The following CDH13 variants were observed in gnomAD, a reference collection of about 807,000 sequenced individuals.
CDH13 encodes cadherin 13, also known as cadherin-13.
Under a neutral mutation model 63.8 loss-of-function variants are expected in CDH13, and 24 were observed. The observed-to-expected ratio is 0.38, with a 90% CI of 0.27 to 0.53. The LOEUF is 0.53. CDH13 is among the 20% of genes least tolerant of loss of function. CDH13 has a pLI of 0.85. For synonymous variants in CDH13, 503 were observed against 355.3 expected, an observed-to-expected ratio of 1.42 and a Z score of -4.67; for missense variants, 1,049 against 903.1, an observed-to-expected ratio of 1.16 and a Z score of -2.07.
chr16:82,914,810 C>A (rs903738782), intron 2 of CDH13, among the ~76,000 whole-genome samples: 1 of 152,158 alleles, frequency 6.6e-6, no homozygotes, highest in Non-Finnish European at 1.5e-5. Context: ...ACTACAAAAT[C>A]GTTTCTGCAG....
intron 4 of CDH13, among the ~76,000 whole-genome samples, chr16:83,146,616 T>C (rs1461444774): frequency 2.0e-5 from 3 of 152,240 alleles, no homozygotes; most frequent in African/African-American, 7.2e-5. Context: ...TATATGTGTA[T>C]GTCACGTTAA....
intron 2 of CDH13, among the ~76,000 whole-genome samples, chr16:82,868,389 A>C (rs2040225832): frequency 1.3e-5 from 2 of 152,202 alleles, no homozygotes; most frequent in Non-Finnish European, 2.9e-5. Flanking sequence ...AATGATTAGA[A>C]ACCTCATAAA....
chr16:82,683,842 T>A (rs1486556424), intron 1 of CDH13, among the ~76,000 whole-genome samples: 2 of 152,230 alleles, frequency 1.3e-5, no homozygotes, highest in Non-Finnish European at 2.9e-5. Flanking sequence ...GTAGACATTA[T>A]ATTACATATT....
rs528123821 is a variant in CDH13, at chr16:83,292,374, C to A, written c.637-52488C>A. ...TGTCCTCTGTCCTGTGGCCACTTTT[C>A]CATGTGGGGACTTTTGGGGCCTGAT... is the stretch of plus-strand genomic sequence containing the variant. On this transcript the variant is annotated intron_variant, in intron 5 of 13. Coordinates refer to ENST00000567109, the MANE Select transcript of CDH13 (RefSeq NM_001257.5). Among the ~76,000 whole-genome samples the A allele has an allele frequency of 2.6e-5, 4 of 152,234 alleles. No individual in the cohort carries two copies. The East Asian group carries it at 5.8e-4, about 22-fold the overall frequency.
intron 10 of CDH13, among the ~76,000 whole-genome samples, chr16:83,702,349 C>T (rs571183565): frequency 1.2e-4 from 18 of 152,290 alleles, no homozygotes; most frequent in South Asian, 6.2e-4. Context: ...CTATTACAGT[C>T]GAACTGCAGA....
intron 10 of CDH13, 77 bp from the exon 11 acceptor site, chr16:83,748,031 C>T (rs746657046): frequency 8.0e-6 from 12 of 1,500,700 alleles, no homozygotes; most frequent in Non-Finnish European, 1.0e-5. Context: ...AGCCTAGGAG[C>T]TCATGCCCTG....
chr16:83,386,434 G>A (rs1027222407), intron 6 of CDH13, among the ~76,000 whole-genome samples: 4 of 152,152 alleles, frequency 2.6e-5, no homozygotes, highest in African/African-American at 9.7e-5. Flanking sequence ...AGTAAAAACT[G>A]CCTTAAATGG....
chr16:83,570,552 TGGGCTGCTGTGGGAAGG>T, intron 7 of CDH13, among the ~76,000 whole-genome samples: 1 of 152,100 alleles, frequency 6.6e-6, no homozygotes, highest in East Asian at 1.9e-4. Flanking sequence ...GCTGCTTTAC[TGGGCTGCTGTGGGAAGG>T]AACTAGCACA....
At chr16:83,152,104 G>T (rs28492019) in intron 4 of CDH13, among the ~76,000 whole-genome samples, 2,284 of 152,196 alleles carry the variant, frequency 0.015, 68 homozygotes, top group African/African-American at 0.052. Flanking sequence ...AAAAAGAGCT[G>T]AAGTCTCTGT....
At chr16:82,726,238 G>C (rs887115405) in intron 1 of CDH13, among the ~76,000 whole-genome samples, 8 of 152,118 alleles carry the variant, frequency 5.3e-5, no homozygotes, top group Non-Finnish European at 1.2e-4. Context: ...AGCAGGTGTT[G>C]GCAAACTTTT....
intron 3 of CDH13, among the ~76,000 whole-genome samples, chr16:83,087,123 G>A (rs1360493500): frequency 6.6e-6 from 1 of 152,050 alleles, no homozygotes. Context: ...GACATAAAAT[G>A]TACACACAGC....
At chr16:82,641,924 G>T (rs191080159) in intron 1 of CDH13, among the ~76,000 whole-genome samples, 1 of 151,802 alleles carries the variant, frequency 6.6e-6, no homozygotes, top group Non-Finnish European at 1.5e-5. Flanking sequence ...AAGCAGGCGA[G>T]GGGGTAGATA....
chr16:83,739,700 C>T (rs1394656371), intron 10 of CDH13, among the ~76,000 whole-genome samples: 2 of 152,126 alleles, frequency 1.3e-5, no homozygotes, highest in East Asian at 1.9e-4. Flanking sequence ...AGAGACCTGC[C>T]TATGGGGGAG....
intron 1 of CDH13, among the ~76,000 whole-genome samples, chr16:82,708,996 G>C (rs2031709779): frequency 6.6e-6 from 1 of 152,208 alleles, no homozygotes; most frequent in African/African-American, 2.4e-5. Context: ...ATAGATTAGA[G>C]ATTCTCATAC....
At chr16:83,467,198 G>A (rs1049963774) in intron 6 of CDH13, among the ~76,000 whole-genome samples, 14 of 152,130 alleles carry the variant, frequency 9.2e-5, no homozygotes, top group African/African-American at 3.4e-4. Flanking sequence ...CTGCTCAAAC[G>A]TTTTGTGGTT....
chr16:82,964,529 A>G (rs1907525130), intron 2 of CDH13, among the ~76,000 whole-genome samples: 1 of 152,216 alleles, frequency 6.6e-6, no homozygotes, highest in Non-Finnish European at 1.5e-5. Context: ...CTTTATTAAT[A>G]AAGGCCATGG....
intron 3 of CDH13, among the ~76,000 whole-genome samples, chr16:83,046,682 A>C (rs1917813442): frequency 6.6e-6 from 1 of 152,174 alleles, no homozygotes; most frequent in Non-Finnish European, 1.5e-5. Context: ...TTTGAGGGCT[A>C]CTCAGAGGCA....
chr16:83,002,239 C>A (rs1286709806), intron 2 of CDH13, among the ~76,000 whole-genome samples: 2 of 152,150 alleles, frequency 1.3e-5, no homozygotes, highest in African/African-American at 4.8e-5. Context: ...AGCCCTAAAT[C>A]CATTGACATG....
At chr16:83,789,113 A>G (rs953079459) in intron 13 of CDH13, among the ~76,000 whole-genome samples, 2 of 152,212 alleles carry the variant, frequency 1.3e-5, no homozygotes, top group Admixed American at 1.3e-4. Flanking sequence ...AAAGGGATGG[A>G]CATAATAAGA....
Sources: gnomAD v4.1 joint callset for allele counts (sites outside exome capture counted in the v4.1 genomes callset) on GRCh38, gnomAD v4.1.1 for gene constraint, MANE v1.5 for transcripts, NCBI Gene and HGNC (gene_info 2026-07-23, HGNC 2026-07-21) for gene names.